SLC9A6: variants seen among roughly 807,000 people sequenced by gnomAD.
SLC9A6 encodes solute carrier family 9 member A6.
A neutral mutation model predicts 45.3 loss-of-function variants in SLC9A6; 6 were observed. The observed-to-expected ratio is 0.13, with a 90% confidence interval of 0.07 to 0.26. The LOEUF (loss-of-function observed/expected upper bound fraction) is 0.26. SLC9A6 is among the 10% of genes least tolerant of loss of function. The pLI is 1.00. For synonymous variants in SLC9A6, 191 were observed against 187.7 expected, an observed-to-expected ratio of 1.02 and a Z score of -0.14; for missense variants, 278 against 503.7, an observed-to-expected ratio of 0.55 and a Z score of 4.29.
chrX:136,044,321 CT>C (rs2071561572), intron 17 of SLC9A6, 130 bp from the exon 18 acceptor site: 3 of 545,002 alleles, frequency 5.5e-6, no homozygotes, highest in Non-Finnish European at 9.3e-6. Flanking sequence ...AAGGTATGGA[CT>C]TTAGACTTTA....
At chrX:135,990,228 C>G (rs782794979) in intron 2 of SLC9A6, among the ~76,000 whole-genome samples, 15 of 111,655 alleles carry the variant, frequency 1.3e-4, no homozygotes, top group Admixed American at 1.3e-3. Context: ...CCTTGTGATC[C>G]ACCCACCTCG....
chrX:135,998,393 G>A, intron 4 of SLC9A6, 89 bp from the exon 5 acceptor site: 2 of 646,145 alleles, frequency 3.1e-6, no homozygotes, highest in Admixed American at 3.3e-5. Flanking sequence ...AGTGAATAAT[G>A]CATTTCATAT....
chrX:136,002,988 C>CTT (rs781846085), intron 7 of SLC9A6, among the ~76,000 whole-genome samples: 7 of 101,088 alleles, frequency 6.9e-5, no homozygotes, highest in Non-Finnish European at 8.2e-5. Flanking sequence ...TTGTAGATAA[C>CTT]TTTTTTTTTT....
intron 7 of SLC9A6, among the ~76,000 whole-genome samples, chrX:136,002,723 G>A (rs941085535): frequency 9.2e-6 from 1 of 109,275 alleles, no homozygotes; most frequent in Non-Finnish European, 1.9e-5. Flanking sequence ...CACCATGCCC[G>A]GCTAATTTTT....
rs781959681 is a variant in SLC9A6, at chrX:135,998,473, T to TC, written c.448-9_448-8insC. 10 of 1,147,455 alleles carry TC rather than the reference T, an allele frequency of 8.7e-6. No homozygotes were observed. In the Admixed American group the frequency reaches 2.9e-4, roughly 34 times the overall value. The allele number at this position is 1,147,455 out of a possible 1,213,427, so 94.6% of individuals were successfully genotyped here. A position where few individuals can be genotyped will look rare whatever the true frequency, so the allele number is the denominator to read the frequency against. On this transcript the variant is annotated splice_polypyrimidine_tract_variant and intron_variant, in intron 4 of 17. Coordinates refer to ENST00000630721, the MANE Select transcript of SLC9A6 (RefSeq NM_001379110.1). ...TATTCTAACAGTGTAACTTTTTTTT[T>TC]TTTGTCAGAGACATTTTTTTCGAAA...
chrX:135,986,137 A>C (rs1403408129), intron 2 of SLC9A6, among the ~76,000 whole-genome samples: 1 of 110,000 alleles, frequency 9.1e-6, no homozygotes, highest in African/African-American at 3.3e-5. Context: ...GAGGATGGAA[A>C]ACGAGTGGGC....
At chrX:135,987,339 CCTT>C (rs2089355533) in intron 2 of SLC9A6, among the ~76,000 whole-genome samples, 1 of 112,129 alleles carries the variant, frequency 8.9e-6, no homozygotes, top group African/African-American at 3.2e-5. Flanking sequence ...TGTTGATAAA[CCTT>C]CTATGTATTA....
intron 15 of SLC9A6, among the ~76,000 whole-genome samples, chrX:136,031,952 AC>A (rs2071329472): frequency 8.9e-6 from 1 of 112,579 alleles, no homozygotes; most frequent in South Asian, 3.6e-4. Context: ...ATAAGTTGAT[AC>A]ATGACACGTG....
At chrX:136,021,958 A>G (rs2071133286) in intron 11 of SLC9A6, among the ~76,000 whole-genome samples, 1 of 112,291 alleles carries the variant, frequency 8.9e-6, no homozygotes, top group Non-Finnish European at 1.9e-5. Context: ...CTGGAGAAAA[A>G]GATACTAAAA....
intron 8 of SLC9A6, among the ~76,000 whole-genome samples, chrX:136,011,225 A>G (rs2070914104): frequency 8.9e-6 from 1 of 112,275 alleles, no homozygotes; most frequent in South Asian, 3.7e-4. Context: ...CTATAAAAAC[A>G]AATTTTATTT....
chrX:136,033,246 T>G, intron 15 of SLC9A6, 168 bp from the exon 16 acceptor site: 1 of 313,406 alleles, frequency 3.2e-6, no homozygotes, highest in East Asian at 7.1e-5. Context: ...ACATTTCAAT[T>G]TCCTATTCCA....
At chrX:136,033,300 T>C in intron 15 of SLC9A6, 114 bp from the exon 16 acceptor site, 1 of 459,603 alleles carries the variant, frequency 2.2e-6, no homozygotes, top group Non-Finnish European at 3.8e-6. Flanking sequence ...GTTACCCTTG[T>C]TGGAGAGTGT....
upstream of SLC9A6, chrX:135,985,421 C>T (rs1556614658): frequency 2.9e-6 from 2 of 701,044 alleles, no homozygotes; most frequent in African/African-American, 2.3e-5. Flanking sequence ...CCCCGGGCCC[C>T]GCCCCTTTCC....
At chrX:136,041,353 T>G (rs782603743) in intron 17 of SLC9A6, among the ~76,000 whole-genome samples, 2 of 111,016 alleles carry the variant, frequency 1.8e-5, no homozygotes, top group South Asian at 7.8e-4. Context: ...GAAACCAGAT[T>G]GTATAAGAAA....
At chrX:136,030,344 A>G (rs1213276880) in intron 15 of SLC9A6, 182 bp downstream of exon 15, 2 of 485,965 alleles carry the variant, frequency 4.1e-6, no homozygotes, top group Non-Finnish European at 7.3e-6. Flanking sequence ...CAAGTTTGCC[A>G]CAGTGCCATA....
intron 3 of SLC9A6, among the ~76,000 whole-genome samples, chrX:135,997,380 G>A (rs115936979): frequency 0.076 from 7,348 of 96,782 alleles, 310 homozygotes; most frequent in South Asian, 0.16. Flanking sequence ...TAAAGCGAAA[G>A]TAATGTTCAT....
intron 15 of SLC9A6, chrX:136,030,372 G>T: frequency 2.3e-6 from 1 of 441,440 alleles, no homozygotes; most frequent in Non-Finnish European, 4.0e-6. Flanking sequence ...GTTATCAAGG[G>T]TGACAGCTTT....
At chrX:136,015,022 G>A (rs1383517915) in intron 10 of SLC9A6, among the ~76,000 whole-genome samples, 1 of 112,595 alleles carries the variant, frequency 8.9e-6, no homozygotes, top group African/African-American at 3.2e-5. Context: ...AGGGGAGGCA[G>A]TACAGATAAA....
chrX:136,044,550 C>T lies in SLC9A6; in HGVS notation c.1866C>T (p.Ala622=), dbSNP rs782295822. 1 of 1,210,996 alleles carries T rather than the reference C, an allele frequency of 8.3e-7. No homozygotes were observed. Among genetic ancestry groups the T allele is most frequent in the South Asian group, 1.8e-5 (1 of 56,956 alleles). Residue 622 remains alanine (A), a synonymous_variant, in exon 18 of 18, where the codon GCC becomes GCT. Transcript: ENST00000630721. ...YGDSTVNTEP[A]TSSAPRRFMG... Reference sequence around the variant, plus strand: ...ATTCTACTGTGAACACTGAACCGGCCACATCCAGCGCCCCAAGGAGATTTA... The same window carrying T: ...ATTCTACTGTGAACACTGAACCGGCTACATCCAGCGCCCCAAGGAGATTTA...
Sources: gnomAD v4.1 joint callset for allele counts (sites outside exome capture counted in the v4.1 genomes callset) on GRCh38, gnomAD v4.1.1 for gene constraint, MANE v1.5 for transcripts, NCBI Gene and HGNC (gene_info 2026-07-23, HGNC 2026-07-21) for gene names.